Variants in SORT1 observed in about 807,000 individuals in gnomAD.
SORT1 encodes sortilin 1, also known as sortilin.
SORT1 carries 39 observed loss-of-function variants against 101.7 expected under a neutral mutation model. That is an observed-to-expected ratio of 0.38 (90% CI 0.30 to 0.50). The LOEUF (loss-of-function observed/expected upper bound fraction) is 0.50, where lower values mean the gene tolerates loss of function less well. Ranked by LOEUF, SORT1 falls within the 20% of genes least tolerant of loss-of-function variation. The pLI, the probability that SORT1 is intolerant of heterozygous loss-of-function variation, is 0.90. For synonymous variants in SORT1, 396 were observed against 393.7 expected (o/e 1.01, Z -0.07); for missense variants, 878 against 1,040.4 (o/e 0.84, Z 2.15).
intron 5 of SORT1, among the ~76,000 whole-genome samples, chr1:109,351,247 A>C (rs1649939206): frequency 1.3e-5 from 2 of 152,210 alleles, no homozygotes; most frequent in African/African-American, 4.8e-5. Flanking sequence ...CAGATGTTGC[A>C]CTGGGGATAC....
Position 109,392,743 on chromosome 1 carries a change from T to C in SORT1, c.306+4844A>G, listed in dbSNP as rs555821357. The C allele has an allele frequency of 3.0e-6, 3 of 984,640 alleles. No homozygotes were observed. The South Asian group carries it at 1.4e-4, about 46-fold the overall frequency. 61.0% of individuals were successfully genotyped at this position (984,640 alleles called of 1,614,324 possible). A position where few individuals can be genotyped will look rare whatever the true frequency, so the allele number is the denominator to read the frequency against. On this transcript the variant is annotated intron_variant, in intron 1 of 19. Coordinates refer to ENST00000256637, the MANE Select transcript of SORT1 (RefSeq NM_002959.7). ...TGATACTTCTTACTGAAATATCCAA[T>C]GCATAAGTCATTTTAACATCCCTCT...
chr1:109,316,943 T>C lies in SORT1; in HGVS notation c.2157A>G (p.Pro719=), dbSNP rs769189097. Residue 719 remains proline, a synonymous_variant, in exon 17 of 20, where the codon CCA becomes CCG. Coordinates refer to ENST00000256637, the MANE Select transcript of SORT1 (RefSeq NM_002959.7). ...TTACCCCACCCTGGCATTTGTCCCCTGGAATTTTCCGGTACCTACCAGGCA... is the reference window on the plus strand; with the variant it reads ...TTACCCCACCCTGGCATTTGTCCCCCGGAATTTTCCGGTACCTACCAGGCA... ...HLTTNGYRKI[P]GDKCQGGVNP... The C allele has an allele frequency of 6.2e-7, 1 of 1,609,334 alleles. No individual in the cohort carries two copies. Among genetic ancestry groups the C allele is most frequent in the Non-Finnish European group, 8.5e-7 (1 of 1,177,714 alleles).
intron 15 of SORT1, among the ~76,000 whole-genome samples, chr1:109,320,079 C>T (rs1647523031): frequency 6.6e-6 from 1 of 152,074 alleles, no homozygotes; most frequent in Non-Finnish European, 1.5e-5. Context: ...CCACTGCTTG[C>T]TCTTCTTTCT....
In SORT1 at chr1:109,326,456, TATATATATACATAC is replaced by T. The variant is rs1378861188; in HGVS notation, c.1643+522_1643+535del. On this transcript the variant is annotated intron_variant, in intron 13 of 19. Transcript: ENST00000256637. ...ATATATATATATATATATATATATA[TATATATATACATAC>T]ACACACACACACACATATATATACA... Among the ~76,000 whole-genome samples, 75 of 30,296 alleles carry T rather than the reference TATATATATACATAC, an allele frequency of 2.5e-3. 4 individuals are homozygous for T. The highest frequency in any genetic ancestry group is 0.011 in the South Asian group (7 of 658). The allele number at this position is 30,296 out of a possible 152,430, so 19.9% of individuals were successfully genotyped here.
At chr1:109,356,823 C>T (rs1650357660) in intron 3 of SORT1, among the ~76,000 whole-genome samples, 1 of 152,198 alleles carries the variant, frequency 6.6e-6, no homozygotes. Flanking sequence ...AGCAAAAATT[C>T]CATAGCTGTC....
At chr1:109,331,085 T>G (rs1446722015) in intron 11 of SORT1, among the ~76,000 whole-genome samples, 2 of 152,106 alleles carry the variant, frequency 1.3e-5, no homozygotes, top group Admixed American at 1.3e-4. Context: ...TTCCAAAAAT[T>G]GAAGAGAATG....
intron 1 of SORT1, among the ~76,000 whole-genome samples, chr1:109,390,906 C>T (rs1652881688): frequency 6.6e-6 from 1 of 151,964 alleles, no homozygotes. Flanking sequence ...ACGTTTTCTT[C>T]TGATAAAAAT....
chr1:109,367,599 C>A, intron 2 of SORT1, 118 bp from the exon 3 acceptor site: 1 of 619,972 alleles, frequency 1.6e-6, no homozygotes, highest in Non-Finnish European at 2.8e-6. Flanking sequence ...TGTAGTACTC[C>A]CCAAAGTCTA....
At chr1:109,345,932 T>G in intron 7 of SORT1, 51 bp from the exon 8 acceptor site, 2 of 1,478,376 alleles carry the variant, frequency 1.4e-6, no homozygotes. Context: ...GTGAGCCTAG[T>G]TCAAAGCAGT....
chr1:109,364,445 C>T (rs976922905), intron 3 of SORT1, among the ~76,000 whole-genome samples: 2 of 152,186 alleles, frequency 1.3e-5, no homozygotes, highest in South Asian at 4.2e-4. Context: ...AATAAACATC[C>T]CCTATGACAC....
intron 1 of SORT1, among the ~76,000 whole-genome samples, chr1:109,394,546 G>A (rs1020727497): frequency 5.3e-5 from 8 of 152,290 alleles, no homozygotes; most frequent in East Asian, 3.9e-4. Flanking sequence ...TAATATAAAC[G>A]CACTATTATG....
At chr1:109,314,879 T>C (rs906137478) in intron 17 of SORT1, 101 bp from the exon 18 acceptor site, 2 of 655,954 alleles carry the variant, frequency 3.0e-6, no homozygotes, top group Admixed American at 4.3e-5. Context: ...GTGAATGATC[T>C]GCAGTCCTGA....
chr1:109,310,054 A>G lies in SORT1; in HGVS notation c.*3989T>C, dbSNP rs1658627733. 6.6e-6 allele frequency: 1 copy of G among 152,658 alleles called. No homozygotes were observed. The highest frequency in any genetic ancestry group is 6.5e-5 in the Admixed American group (1 of 15,280). 9.5% of individuals were successfully genotyped at this position (152,658 alleles called of 1,614,324 possible). A position where few individuals can be genotyped will look rare whatever the true frequency, so the allele number is the denominator to read the frequency against. On this transcript the variant is annotated 3_prime_UTR_variant, in exon 20 of 20. Coordinates refer to ENST00000256637, the MANE Select transcript of SORT1 (RefSeq NM_002959.7). The stretch of plus-strand genomic sequence containing the variant: ...GAGGTGGGCCAAATCATCAGGGAAC[A>G]GTCAGTCACCCGCTTGTGGCTGAGG...
chr1:109,338,346 G>C (rs2101575312), intron 10 of SORT1, among the ~76,000 whole-genome samples: 1 of 152,282 alleles, frequency 6.6e-6, no homozygotes, highest in South Asian at 2.1e-4. Flanking sequence ...AGGTGAGTCA[G>C]GGAGGAAACC....
intron 1 of SORT1, among the ~76,000 whole-genome samples, chr1:109,372,700 C>T (rs188896529): frequency 1.3e-5 from 2 of 152,062 alleles, no homozygotes; most frequent in East Asian, 3.9e-4. Context: ...AGGCGGATCA[C>T]GAGGTCAGGA....
chr1:109,314,747 AGG>A lies in SORT1; in HGVS notation c.2280_2281del (p.Leu761GlyfsTer56). ...GACCAGCATCAATCCCACGATGGCC[AGG>A]ATAATTGGAACAGAATTTGACTTGG... is the stretch of plus-strand genomic sequence containing the variant. On this transcript the variant is annotated frameshift_variant, in exon 18 of 20. Coordinates refer to ENST00000256637, the MANE Select transcript of SORT1 (RefSeq NM_002959.7). LOFTEE classifies it high-confidence loss of function. 1 of 1,610,632 alleles carries A rather than the reference AGG, an allele frequency of 6.2e-7. No homozygotes were observed. Among genetic ancestry groups the A allele is most frequent in the Non-Finnish European group, 8.5e-7 (1 of 1,176,840 alleles).
rs1316808928 is a variant in SORT1 at position 109,311,881 on chromosome 1, C to T, written c.*2162G>A. 6.6e-6 allele frequency: 1 copy of T among 152,652 alleles called. No individual in the cohort carries two copies. Among genetic ancestry groups the T allele is most frequent in the African/African-American group, 2.4e-5 (1 of 41,432 alleles). 9.5% of individuals were successfully genotyped at this position (152,652 alleles called of 1,614,324 possible). Reference sequence around the variant, plus strand: ...AAGAGTTCTGAAGACAGCCAGCCAGCACTGCTTATCACACACACGGGGACC... The same window carrying T: ...AAGAGTTCTGAAGACAGCCAGCCAGTACTGCTTATCACACACACGGGGACC... On this transcript the variant is annotated 3_prime_UTR_variant, in exon 20 of 20. Coordinates refer to ENST00000256637, the MANE Select transcript of SORT1 (RefSeq NM_002959.7).
Position 109,374,242 on chromosome 1 carries a change from G to A in SORT1, c.307-4653C>T, listed in dbSNP as rs1224185475. The stretch of plus-strand genomic sequence containing the variant: ...TGTACTCCACAAGAAATTAGAGAAT[G>A]GATTGAGAATGTTAAAGAAAAAAAA... On this transcript the variant is annotated intron_variant, in intron 1 of 19. Transcript: ENST00000256637. 2.0e-5 allele frequency among the ~76,000 whole-genome samples: 3 copies of A among 151,996 alleles called. No individual in the cohort carries two copies. The East Asian group carries it at 5.8e-4, about 29-fold the overall frequency.
intron 1 of SORT1, among the ~76,000 whole-genome samples, chr1:109,384,191 C>T (rs1652424607): frequency 6.6e-6 from 1 of 152,180 alleles, no homozygotes; most frequent in African/African-American, 2.4e-5. Flanking sequence ...TCAGATGCCT[C>T]AGCAACCCGG....
Sources: gnomAD v4.1 joint callset for allele counts (sites outside exome capture counted in the v4.1 genomes callset) on GRCh38, gnomAD v4.1.1 for gene constraint, MANE v1.5 for transcripts, NCBI Gene and HGNC (gene_info 2026-07-23, HGNC 2026-07-21) for gene names.